Variants in PTPRM observed in about 807,000 individuals in gnomAD.
PTPRM encodes protein tyrosine phosphatase receptor type M.
A neutral mutation model predicts 186.7 loss-of-function variants in PTPRM; 47 were observed. That is an observed-to-expected ratio of 0.25 (90% CI 0.20 to 0.32). The LOEUF is 0.32. Ranked by LOEUF, PTPRM falls within the 10% of genes least tolerant of loss-of-function variation. The pLI, the probability that PTPRM is intolerant of heterozygous loss-of-function variation, is 1.00. For missense variants in PTPRM, 1,494 were observed against 1,865.0 expected, an observed-to-expected ratio of 0.80 and a Z score of 3.66; for synonymous variants, 668 against 674.9, an observed-to-expected ratio of 0.99 and a Z score of 0.16.
intron 14 of PTPRM, among the ~76,000 whole-genome samples, chr18:8,222,501 C>T (rs1601317374): frequency 1.3e-5 from 2 of 152,226 alleles, no homozygotes; most frequent in East Asian, 1.9e-4. Context: ...TAAGGAAAGC[C>T]GGAACTGACA....
chr18:8,152,712 C>CTTTTTTTTTTTTTTTTTTTTTTTT (rs35112154), intron 14 of PTPRM, among the ~76,000 whole-genome samples: 2 of 56,928 alleles, frequency 3.5e-5, no homozygotes, highest in Admixed American at 3.0e-4. Flanking sequence ...TGCCTCACCT[C>CTTTTTTTTTTTTTTTTTTTTTTTT]TTTTTTTTTT....
chr18:8,124,585 G>T lies in PTPRM; in HGVS notation c.2167+9758G>T, dbSNP rs576195986. Among the ~76,000 whole-genome samples, 9 of 152,292 alleles carry T rather than the reference G, an allele frequency of 5.9e-5. 1 individual carries two copies. The highest frequency in any genetic ancestry group is 2.2e-4 in the African/African-American group (9 of 41,578). The stretch of plus-strand genomic sequence containing the variant: ...CAAAACCTACATAAGTGCATACTCA[G>T]ATGAGTGAAAAATTGGTATCATACT... On this transcript the variant is annotated intron_variant, in intron 13 of 32. Coordinates refer to ENST00000580170, the MANE Select transcript of PTPRM (RefSeq NM_001105244.2).
At chr18:7,881,506 A>G (rs1253662757) in intron 2 of PTPRM, among the ~76,000 whole-genome samples, 1 of 152,222 alleles carries the variant, frequency 6.6e-6, no homozygotes, top group Non-Finnish European at 1.5e-5. Context: ...GAAAAATATT[A>G]GTCTTAGGAG....
chr18:7,771,948 A>G (rs550419830), intron 1 of PTPRM, among the ~76,000 whole-genome samples: 2 of 152,364 alleles, frequency 1.3e-5, no homozygotes, highest in Admixed American at 1.3e-4. Flanking sequence ...ACTTTCTTAC[A>G]AAGTGGAGAG....
chr18:8,129,538 T>C (rs1349570462), intron 13 of PTPRM, among the ~76,000 whole-genome samples: 1 of 152,246 alleles, frequency 6.6e-6, no homozygotes, highest in South Asian at 2.1e-4. Context: ...CCCAGTGATG[T>C]CCCTTAGCAT....
At chr18:8,070,036 T>G in intron 8 of PTPRM, 42 bp downstream of exon 8, 1 of 1,535,878 alleles carries the variant, frequency 6.5e-7, no homozygotes, top group Non-Finnish European at 8.8e-7. Context: ...AACATGTTCT[T>G]TCAAAAAACA....
chr18:7,981,026 T>TC (rs1444029213), intron 7 of PTPRM, among the ~76,000 whole-genome samples: 1 of 152,098 alleles, frequency 6.6e-6, no homozygotes, highest in Non-Finnish European at 1.5e-5. Flanking sequence ...CCCTTGTTTT[T>TC]CCCCACTGCT....
At chr18:8,210,611 T>G (rs915384912) in intron 14 of PTPRM, among the ~76,000 whole-genome samples, 2 of 152,114 alleles carry the variant, frequency 1.3e-5, no homozygotes, top group African/African-American at 4.8e-5. Context: ...CCCTAGGAAA[T>G]TAGCACAGAA....
intron 1 of PTPRM, among the ~76,000 whole-genome samples, chr18:7,644,211 A>G (rs927462767): frequency 1.3e-5 from 2 of 152,180 alleles, no homozygotes; most frequent in Non-Finnish European, 2.9e-5. Flanking sequence ...AGTTTTCAAA[A>G]TAAACACCCT....
At chr18:7,822,303 C>T (rs919962946) in intron 2 of PTPRM, among the ~76,000 whole-genome samples, 2 of 152,202 alleles carry the variant, frequency 1.3e-5, no homozygotes, top group African/African-American at 4.8e-5. Context: ...ATATACTTAC[C>T]TCCCCTTGTG....
chr18:8,303,652 G>C (rs2095186477), intron 20 of PTPRM, among the ~76,000 whole-genome samples: 1 of 152,182 alleles, frequency 6.6e-6, no homozygotes, highest in Non-Finnish European at 1.5e-5. Flanking sequence ...AATAAAGAGA[G>C]AGCTCTGACA....
intron 1 of PTPRM, among the ~76,000 whole-genome samples, chr18:7,591,011 A>T (rs778824563): frequency 6.6e-6 from 1 of 152,230 alleles, no homozygotes; most frequent in Non-Finnish European, 1.5e-5. Flanking sequence ...GTGAGTATGT[A>T]TGAACTGGCT....
chr18:7,612,891 G>T (rs2037710801), intron 1 of PTPRM, among the ~76,000 whole-genome samples: 1 of 152,208 alleles, frequency 6.6e-6, no homozygotes, highest in Admixed American at 6.5e-5. Context: ...CCATCGAGTA[G>T]AAGGGAGGGT....
intron 20 of PTPRM, among the ~76,000 whole-genome samples, chr18:8,301,312 C>T (rs749652171): frequency 1.2e-4 from 18 of 152,120 alleles, no homozygotes; most frequent in Non-Finnish European, 2.2e-4. Flanking sequence ...GCTGAGCTAG[C>T]CCCTTCCAAA....
chr18:7,568,574 C>T lies in PTPRM; in HGVS notation c.73+683C>T, dbSNP rs955259799. ...TCCCCAGGCCCTGGCCACGGCCCTG[C>T]GCCCCGCTGGGCTCCCCCTCCCCAC... On this transcript the variant is annotated intron_variant, in intron 1 of 32. Transcript: ENST00000580170. The surrounding 1 kb of genome is among the most constrained non-coding windows in gnomAD (Gnocchi z 5.1). 3.0e-4 allele frequency among the ~76,000 whole-genome samples: 46 copies of T among 152,304 alleles called. No individual in the cohort carries two copies. Among genetic ancestry groups the T allele is most frequent in the African/African-American group, 1.0e-3 (43 of 41,582 alleles).
In PTPRM at chr18:7,568,964, C is replaced by T. The variant is rs2036505890; in HGVS notation, c.73+1073C>T. On this transcript the variant is annotated intron_variant, in intron 1 of 32. Transcript: ENST00000580170. This position sits in a 1 kb window ranked among gnomAD's most constrained non-coding sequence, Gnocchi z 5.1. ...GATTAGTTTCATTAAGGTCCACATG[C>T]AGTGGGGGCGGTGGGCTTTCTTTTT... 6.6e-6 allele frequency among the ~76,000 whole-genome samples: 1 copy of T among 152,164 alleles called. No homozygotes were observed. The highest frequency in any genetic ancestry group is 1.5e-5 in the Non-Finnish European group (1 of 68,036).
intron 7 of PTPRM, among the ~76,000 whole-genome samples, chr18:7,982,108 A>G (rs891522917): frequency 2.0e-5 from 3 of 152,108 alleles, no homozygotes; most frequent in Non-Finnish European, 2.9e-5. Flanking sequence ...TTAATAATAA[A>G]TTAACCCTAG....
intron 1 of PTPRM, among the ~76,000 whole-genome samples, chr18:7,695,990 T>A (rs1160822177): frequency 6.6e-6 from 1 of 152,248 alleles, no homozygotes; most frequent in Non-Finnish European, 1.5e-5. Context: ...ACTTTCAATA[T>A]TCTAGTGTCA....
intron 1 of PTPRM, among the ~76,000 whole-genome samples, chr18:7,611,145 A>T (rs890019708): frequency 6.6e-6 from 1 of 152,230 alleles, no homozygotes; most frequent in African/African-American, 2.4e-5. Flanking sequence ...AAGCTGTACA[A>T]TGTGTTTGTA....
Sources: allele counts gnomAD v4.1 joint callset (sites outside exome capture counted in the v4.1 genomes callset), GRCh38; gene constraint gnomAD v4.1.1; non-coding constraint Gnocchi (gnomAD v3.1); transcripts MANE v1.5; gene names NCBI Gene and HGNC (gene_info 2026-07-23, HGNC 2026-07-21).